Variants in ARHGAP15 observed in about 807,000 individuals in gnomAD.
ARHGAP15 encodes the protein Rho GTPase activating protein 15, also known as rho GTPase-activating protein 15.
A neutral mutation model predicts 63.7 loss-of-function variants in ARHGAP15; 51 were observed. That is an observed-to-expected ratio of 0.80 (90% confidence interval 0.64 to 1.01). ARHGAP15 has a LOEUF of 1.01. Ranked by LOEUF, ARHGAP15 falls within the 50% of genes least tolerant of loss-of-function variation. ARHGAP15 has a pLI of 0.00. For synonymous variants in ARHGAP15, 191 were observed against 193.8 expected, an observed-to-expected ratio of 0.99 and a Z score of 0.12; for missense variants, 560 against 564.6, an observed-to-expected ratio of 0.99 and a Z score of 0.08.
At chr2:143,701,202 C>T (rs1684074196) in intron 12 of ARHGAP15, among the ~76,000 whole-genome samples, 1 of 152,122 alleles carries the variant, frequency 6.6e-6, no homozygotes, top group Admixed American at 6.6e-5. Flanking sequence ...TAGCCAAATA[C>T]CATCTTCTGC....
At chr2:143,653,708 C>A (rs1681287719) in intron 12 of ARHGAP15, among the ~76,000 whole-genome samples, 1 of 152,242 alleles carries the variant, frequency 6.6e-6, no homozygotes, top group Admixed American at 6.5e-5. Context: ...ACCTGCCCCC[C>A]ATACTGGGTC....
chr2:143,470,661 A>ATATGTG (rs34944693), intron 8 of ARHGAP15, among the ~76,000 whole-genome samples: 10 of 132,902 alleles, frequency 7.5e-5, no homozygotes, highest in South Asian at 2.6e-4. Flanking sequence ...ATATATATAC[A>ATATGTG]TGTATATATG....
In ARHGAP15 at chr2:143,381,463, A is replaced by C. The variant is rs952232518; in HGVS notation, c.475-54138A>C. Among the ~76,000 whole-genome samples, 12 of 152,292 alleles carry C rather than the reference A, an allele frequency of 7.9e-5. No individual in the cohort carries two copies. The East Asian group carries it at 2.1e-3, about 27-fold the overall frequency. On this transcript the variant is annotated intron_variant, in intron 6 of 13. Coordinates refer to ENST00000295095, the MANE Select transcript of ARHGAP15 (RefSeq NM_018460.4). ...GTACTTGTGTGGCAAAAGATTGAAA[A>C]AAAAATTGGCAGTTGTTGTCAGGGT...
chr2:143,616,106 C>A (rs544886967), intron 11 of ARHGAP15, among the ~76,000 whole-genome samples: 3 of 152,164 alleles, frequency 2.0e-5, no homozygotes, highest in African/African-American at 7.2e-5. Flanking sequence ...TCTCAGCTAC[C>A]TAAACGAAAT....
intron 12 of ARHGAP15, chr2:143,640,721 TGAATATTAAGCAACAA>T (rs1211587390): frequency 6.6e-6 from 1 of 152,142 alleles, no homozygotes; most frequent in African/African-American, 2.4e-5. Flanking sequence ...ATTACTGTCA[TGAATATTAAGCAACAA>T]GAATATAATA....
chr2:143,453,479 CAATA>C (rs1000296309), intron 8 of ARHGAP15, among the ~76,000 whole-genome samples: 2 of 151,966 alleles, frequency 1.3e-5, no homozygotes, highest in Non-Finnish European at 2.9e-5. Flanking sequence ...TGTAAGTACT[CAATA>C]AATGTTAATC....
At chr2:143,413,132 G>A (rs1009836723) in intron 6 of ARHGAP15, among the ~76,000 whole-genome samples, 1 of 152,152 alleles carries the variant, frequency 6.6e-6, no homozygotes, top group African/African-American at 2.4e-5. Flanking sequence ...TTTGAATCAA[G>A]TGTAAGACAT....
intron 11 of ARHGAP15, among the ~76,000 whole-genome samples, chr2:143,565,510 A>G (rs1696185955): frequency 6.6e-6 from 1 of 152,192 alleles, no homozygotes; most frequent in Non-Finnish European, 1.5e-5. Context: ...TCTATATAAA[A>G]TAACTTCATT....
rs140381291 is a variant in ARHGAP15, at chr2:143,673,249, C to A, written c.1139-30170C>A. On this transcript the variant is annotated intron_variant, in intron 12 of 13. Coordinates refer to ENST00000295095, the MANE Select transcript of ARHGAP15 (RefSeq NM_018460.4). ...AGAAAACAAACAGAGTGTAGACTAC[C>A]TTTGAGACCTAAGAAGTACGCAGAG... 5.5e-4 allele frequency among the ~76,000 whole-genome samples: 83 copies of A among 152,122 alleles called. 1 individual carries two copies. In the Middle Eastern group the frequency reaches 0.01, roughly 19 times the overall value.
intron 12 of ARHGAP15, among the ~76,000 whole-genome samples, chr2:143,637,212 A>G: frequency 6.6e-6 from 1 of 152,094 alleles, no homozygotes; most frequent in Non-Finnish European, 1.5e-5. Context: ...ACTTCAGTGG[A>G]CCGTTTTATT....
intron 10 of ARHGAP15, among the ~76,000 whole-genome samples, chr2:143,538,565 AT>A (rs1694887636): frequency 6.6e-6 from 1 of 152,152 alleles, no homozygotes; most frequent in African/African-American, 2.4e-5. Flanking sequence ...TCAATACCTA[AT>A]TTATTGAGAG....
At chr2:143,328,772 C>T (rs1466875213) in intron 6 of ARHGAP15, among the ~76,000 whole-genome samples, 2 of 152,096 alleles carry the variant, frequency 1.3e-5, no homozygotes, top group African/African-American at 4.8e-5. Flanking sequence ...CTTCATAGCA[C>T]AACCAGCTGA....
At chr2:143,384,903 A>AG (rs1056965133) in intron 6 of ARHGAP15, among the ~76,000 whole-genome samples, 6 of 152,188 alleles carry the variant, frequency 3.9e-5, no homozygotes, top group Non-Finnish European at 8.8e-5. Flanking sequence ...AGAGAAAAAA[A>AG]CTTTTCCCCT....
At chr2:143,715,357 G>C (rs1684765539) in intron 13 of ARHGAP15, among the ~76,000 whole-genome samples, 1 of 152,190 alleles carries the variant, frequency 6.6e-6, no homozygotes, top group Non-Finnish European at 1.5e-5. Flanking sequence ...CTAAAGTTGA[G>C]ATTTCGGTAG....
intron 6 of ARHGAP15, among the ~76,000 whole-genome samples, chr2:143,279,957 C>T (rs972594844): frequency 1.3e-5 from 2 of 152,090 alleles, no homozygotes; most frequent in African/African-American, 4.8e-5. Context: ...CACTGGAGAT[C>T]TTGGGAGAGC....
chr2:143,383,139 A>G (rs1266322935), intron 6 of ARHGAP15, among the ~76,000 whole-genome samples: 2 of 152,210 alleles, frequency 1.3e-5, no homozygotes, highest in East Asian at 1.9e-4. Context: ...TAATAAAGCC[A>G]TTTAAAAAGT....
intron 2 of ARHGAP15, among the ~76,000 whole-genome samples, chr2:143,157,874 A>C (rs1481792131): frequency 6.6e-6 from 1 of 151,872 alleles, no homozygotes; most frequent in Non-Finnish European, 1.5e-5. Context: ...CAAGGGGGAG[A>C]TTTTGAATTT....
At chr2:143,671,848 A>G (rs1265925871) in intron 12 of ARHGAP15, among the ~76,000 whole-genome samples, 3 of 152,220 alleles carry the variant, frequency 2.0e-5, no homozygotes, top group African/African-American at 7.2e-5. Context: ...TCCTTTAAAT[A>G]TAATGTAGCA....
At chr2:143,287,071 T>C (rs1486068790) in intron 6 of ARHGAP15, among the ~76,000 whole-genome samples, 2 of 152,188 alleles carry the variant, frequency 1.3e-5, no homozygotes, top group Non-Finnish European at 2.9e-5. Context: ...TGGTTTGACC[T>C]GAGTTTTTGA....
Sources: gnomAD v4.1 joint callset for allele counts (sites outside exome capture counted in the v4.1 genomes callset) on GRCh38, gnomAD v4.1.1 for gene constraint, MANE v1.5 for transcripts, NCBI Gene and HGNC (gene_info 2026-07-23, HGNC 2026-07-21) for gene names.